The following ARHGAP10 variants were observed in gnomAD, a reference collection of about 807,000 sequenced individuals.
ARHGAP10 encodes the protein Rho GTPase activating protein 10.
A neutral mutation model predicts 108.6 loss-of-function variants in ARHGAP10; 87 were observed. That is an observed-to-expected ratio of 0.80 (90% CI 0.67 to 0.96). ARHGAP10 has a LOEUF of 0.96. ARHGAP10 is among the 40% of genes least tolerant of loss of function. The pLI, the probability that ARHGAP10 is intolerant of heterozygous loss-of-function variation, is 0.00. For synonymous variants in ARHGAP10, 347 were observed against 341.1 expected, an observed-to-expected ratio of 1.02 and a Z score of -0.19; for missense variants, 939 against 954.5, an observed-to-expected ratio of 0.98 and a Z score of 0.21.
intron 20 of ARHGAP10, among the ~76,000 whole-genome samples, chr4:148,050,803 T>C (rs1468402652): frequency 1.3e-5 from 2 of 152,274 alleles, no homozygotes; most frequent in Non-Finnish European, 2.9e-5. Context: ...GTTCTCTTCT[T>C]GTCTTTTCCC....
chr4:147,885,119 C>T (rs762742124), intron 10 of ARHGAP10, among the ~76,000 whole-genome samples: 28 of 150,596 alleles, frequency 1.9e-4, no homozygotes, highest in Non-Finnish European at 8.8e-5. Flanking sequence ...TAGATGGTAC[C>T]ATTCACTAAG....
intron 18 of ARHGAP10, 54 bp from the exon 19 acceptor site, chr4:148,023,209 A>G: frequency 6.3e-7 from 1 of 1,595,638 alleles, no homozygotes; most frequent in South Asian, 1.1e-5. Context: ...CTGGAGTAAC[A>G]CACAGGTTTC....
chr4:148,032,944 C>T (rs1728218874), intron 19 of ARHGAP10, among the ~76,000 whole-genome samples: 1 of 152,190 alleles, frequency 6.6e-6, no homozygotes, highest in Non-Finnish European at 1.5e-5. Flanking sequence ...ATTCCAGCTG[C>T]TCTGGCAGCT....
At chr4:148,038,540 C>T (rs146197552) in intron 19 of ARHGAP10, among the ~76,000 whole-genome samples, 126 of 152,292 alleles carry the variant, frequency 8.3e-4, no homozygotes, top group African/African-American at 2.8e-3. Context: ...CCTCCTGAAC[C>T]CTCGTCTTCC....
intron 13 of ARHGAP10, among the ~76,000 whole-genome samples, chr4:147,934,088 G>A (rs894013001): frequency 2.6e-5 from 4 of 152,228 alleles, no homozygotes; most frequent in Non-Finnish European, 5.9e-5. Context: ...AAGCCACAGG[G>A]CAAGTCTCAG....
intron 1 of ARHGAP10, among the ~76,000 whole-genome samples, chr4:147,759,460 G>A (rs1297830255): frequency 6.6e-6 from 1 of 152,076 alleles, no homozygotes; most frequent in Non-Finnish European, 1.5e-5. Context: ...TGTAGTACCA[G>A]TTACTTGGGA....
intron 6 of ARHGAP10, chr4:147,865,696 C>T (rs1476441841): frequency 1.3e-5 from 2 of 152,152 alleles, no homozygotes; most frequent in Non-Finnish European, 2.9e-5. Context: ...ATACAATTTA[C>T]TCATTGTGAG....
intron 10 of ARHGAP10, among the ~76,000 whole-genome samples, chr4:147,900,027 T>A (rs370338540): frequency 1.6e-4 from 25 of 152,330 alleles, no homozygotes; most frequent in African/African-American, 5.3e-4. Flanking sequence ...CTTGTGAATG[T>A]TTCTCTCTGC....
chr4:147,863,760 G>C (rs1266361587), intron 5 of ARHGAP10: 1 of 152,148 alleles, frequency 6.6e-6, no homozygotes, highest in Non-Finnish European at 1.5e-5. Flanking sequence ...GGAGTGTTAG[G>C]TAGAAATGTT....
intron 10 of ARHGAP10, among the ~76,000 whole-genome samples, chr4:147,886,864 G>A (rs1735589940): frequency 6.6e-6 from 1 of 152,148 alleles, no homozygotes; most frequent in Admixed American, 6.6e-5. Context: ...TCCGCCTCCT[G>A]GGTTCAAGCA....
intron 1 of ARHGAP10, among the ~76,000 whole-genome samples, chr4:147,749,013 C>G (rs1394115094): frequency 2.0e-5 from 3 of 152,102 alleles, no homozygotes; most frequent in Admixed American, 1.3e-4. Context: ...TTTTGAAACT[C>G]ACTTTATTAG....
At position 147,854,282 on chromosome 4, in the gene ARHGAP10, C is replaced by T. The variant is rs546207575; in HGVS notation, c.385-3271C>T. ...CCATAAAAATCATTGGATTTTTCAGCAGTTCCAGAGAAATCAGAAGACATG... is the reference window on the plus strand; with the variant it reads ...CCATAAAAATCATTGGATTTTTCAGTAGTTCCAGAGAAATCAGAAGACATG... On this transcript the variant is annotated intron_variant, in intron 4 of 22. Coordinates refer to ENST00000336498, the MANE Select transcript of ARHGAP10 (RefSeq NM_024605.4). Among the ~76,000 whole-genome samples the T allele has an allele frequency of 6.6e-5, 10 of 152,274 alleles. No homozygotes were observed. In the South Asian group the frequency reaches 2.1e-3, roughly 32 times the overall value.
chr4:147,765,425 T>A (rs2126710891), intron 1 of ARHGAP10, among the ~76,000 whole-genome samples: 1 of 152,028 alleles, frequency 6.6e-6, no homozygotes, highest in East Asian at 1.9e-4. Flanking sequence ...GTGTCTATTG[T>A]GTTACGTCTT....
intron 18 of ARHGAP10, among the ~76,000 whole-genome samples, chr4:147,998,136 AAT>A (rs1740552524): frequency 6.6e-6 from 1 of 152,148 alleles, no homozygotes; most frequent in African/African-American, 2.4e-5. Flanking sequence ...GAAATTAATG[AAT>A]TAGGAAAGAG....
intron 22 of ARHGAP10, among the ~76,000 whole-genome samples, chr4:148,067,896 T>C (rs1352635176): frequency 6.6e-6 from 1 of 152,336 alleles, no homozygotes; most frequent in African/African-American, 2.4e-5. Context: ...ACTTAAGTTA[T>C]GAGTTCCAGT....
At chr4:147,964,315 G>T (rs954096596) in intron 16 of ARHGAP10, among the ~76,000 whole-genome samples, 1 of 152,116 alleles carries the variant, frequency 6.6e-6, no homozygotes, top group Non-Finnish European at 1.5e-5. Flanking sequence ...CTCAACCTGC[G>T]CACCCTGCCT....
intron 1 of ARHGAP10, among the ~76,000 whole-genome samples, chr4:147,756,766 C>T (rs1194472412): frequency 1.3e-5 from 2 of 152,026 alleles, no homozygotes; most frequent in Non-Finnish European, 2.9e-5. Flanking sequence ...TAAGGGGGGA[C>T]CACTATATTG....
chr4:147,979,456 T>A (rs928080949), intron 18 of ARHGAP10, among the ~76,000 whole-genome samples: 3 of 152,184 alleles, frequency 2.0e-5, no homozygotes, highest in Non-Finnish European at 4.4e-5. Flanking sequence ...TATTGTAGCC[T>A]TGTAGTATTG....
chr4:148,033,592 A>G (rs1176188155), intron 19 of ARHGAP10, among the ~76,000 whole-genome samples: 1 of 152,226 alleles, frequency 6.6e-6, no homozygotes, highest in Non-Finnish European at 1.5e-5. Context: ...TAATACATAC[A>G]TATAAATACA....
Sources: gnomAD v4.1 joint callset for allele counts (sites outside exome capture counted in the v4.1 genomes callset) on GRCh38, gnomAD v4.1.1 for gene constraint, MANE v1.5 for transcripts, NCBI Gene and HGNC (gene_info 2026-07-23, HGNC 2026-07-21) for gene names.